Variants in SYNPO2 observed in about 807,000 individuals in gnomAD.
The protein encoded by SYNPO2 is synaptopodin-2.
Under a neutral mutation model 85.0 loss-of-function variants are expected in SYNPO2, and 56 were observed. That is an observed-to-expected ratio of 0.66 (90% CI 0.53 to 0.82). The LOEUF is 0.82. SYNPO2 is among the 40% of genes least tolerant of loss of function. SYNPO2 has a pLI of 0.00. For missense variants in SYNPO2, 1,575 were observed against 1,534.2 expected, an observed-to-expected ratio of 1.03 and a Z score of -0.44; for synonymous variants, 602 against 591.1, an observed-to-expected ratio of 1.02 and a Z score of -0.27.
At chr4:118,996,094 T>C (rs1736584200) in intron 1 of SYNPO2, among the ~76,000 whole-genome samples, 1 of 152,198 alleles carries the variant, frequency 6.6e-6, no homozygotes. Flanking sequence ...TTTCATCCTC[T>C]CTCTACCTGT....
intron 1 of SYNPO2, among the ~76,000 whole-genome samples, chr4:118,915,913 G>T (rs1291556339): frequency 2.0e-5 from 3 of 151,668 alleles, no homozygotes; most frequent in African/African-American, 7.3e-5. Flanking sequence ...CCTAATTGTG[G>T]TCTTGATTTC....
Position 119,031,688 on chromosome 4 carries a change from G to T in SYNPO2, c.2913G>T (p.Gln971His), listed in dbSNP as rs763016153. 5 of 1,614,204 alleles carry T rather than the reference G, an allele frequency of 3.1e-6. No individual in the cohort carries two copies. The highest frequency in any genetic ancestry group is 4.2e-6 in the Non-Finnish European group (5 of 1,180,046). ...ATGTCATGAAGCACCAACCGTATCA[G>T]CTCAATGCATCCTTGTTTACTTTCC... ...ALDVMKHQPY[Q>H]LNASLFTFQP... is the part of the protein sequence containing the mutation. The change falls in exon 4 of 5, where the codon CAG becomes CAT. Residue 971 changes from glutamine to histidine, a missense_variant. Gln to His is a conservative substitution (Grantham distance 24, BLOSUM62 0). Around this residue, in one of 3 missense-constraint regions of SYNPO2, gnomAD observed 1,508 missense variants for 1,446.8 expected, o/e 1.04. Transcript: ENST00000307142.
rs1024013286 is a variant in SYNPO2 at position 118,945,428 on chromosome 4, C to T, written c.105+56287C>T. Among the ~76,000 whole-genome samples the T allele has an allele frequency of 2.0e-5, 3 of 152,132 alleles. No homozygotes were observed. The East Asian group carries it at 5.8e-4, about 29-fold the overall frequency. On this transcript the variant is annotated intron_variant, in intron 1 of 4. Coordinates refer to ENST00000307142, the MANE Select transcript of SYNPO2 (RefSeq NM_133477.3). ...TGAGTTAAAGAAAAAAACACACTAA[C>T]TATATCTTAGGCAGGTGACACTGAA...
At chr4:118,983,227 C>T (rs1312963046) in intron 1 of SYNPO2, among the ~76,000 whole-genome samples, 1 of 152,068 alleles carries the variant, frequency 6.6e-6, no homozygotes, top group Non-Finnish European at 1.5e-5. Flanking sequence ...TTCCATCAAA[C>T]ATCTCCCTAC....
intron 1 of SYNPO2, among the ~76,000 whole-genome samples, chr4:118,908,713 T>C (rs1346311118): frequency 1.3e-5 from 2 of 152,162 alleles, no homozygotes; most frequent in Non-Finnish European, 2.9e-5. Context: ...GTGCACATGA[T>C]AAAGCCTTAT....
At chr4:119,037,268 C>G (rs1205001294) in intron 4 of SYNPO2, 8 of 1,438,216 alleles carry the variant, frequency 5.6e-6, no homozygotes, top group East Asian at 2.6e-5. Context: ...TTCTTGGGCT[C>G]CTTAATAACT....
At chr4:118,953,585 T>C (rs1430873061) in intron 1 of SYNPO2, among the ~76,000 whole-genome samples, 2 of 145,702 alleles carry the variant, frequency 1.4e-5, no homozygotes, top group East Asian at 4.0e-4. Flanking sequence ...GACTCAATCT[T>C]CCTTGAACTG....
In SYNPO2 at chr4:119,027,199, G is replaced by C; in HGVS notation, c.830G>C (p.Gly277Ala). 6.2e-7 allele frequency: 1 copy of C among 1,614,182 alleles called. No individual in the cohort carries two copies. ...AGAGTGATCCAGGAAAGTGAAGCAGGAGATGCGGGACTGCCCCGGGTGGAA... is the reference window on the plus strand; with the variant it reads ...AGAGTGATCCAGGAAAGTGAAGCAGCAGATGCGGGACTGCCCCGGGTGGAA... ...ELRVIQESEA[G>A]DAGLPRVEVI... The change falls in exon 3 of 5, where the codon GGA becomes GCA. Residue 277 changes from glycine (G) to alanine (A), a missense_variant. Transcript: ENST00000307142.
intron 4 of SYNPO2, chr4:119,035,477 T>C: frequency 1.0e-6 from 1 of 985,418 alleles, no homozygotes; most frequent in Non-Finnish European, 1.2e-6. Flanking sequence ...GCATTGGTAG[T>C]GTAAAGCATA....
chr4:119,021,777 ATGTG>A (rs755362873), intron 1 of SYNPO2, among the ~76,000 whole-genome samples: 1 of 152,186 alleles, frequency 6.6e-6, no homozygotes, highest in Non-Finnish European at 1.5e-5. Flanking sequence ...CAAGGAGATA[ATGTG>A]TGTTGTTGGA....
At chr4:118,887,964 CTTTTTGTACA>C (rs1241988901), upstream of SYNPO2, among the ~76,000 whole-genome samples, 2 of 151,950 alleles carry the variant, frequency 1.3e-5, no homozygotes, top group Non-Finnish European at 2.9e-5. Context: ...TTAAAATGTC[CTTTTTGTACA>C]TTTTTGGCAG....
chr4:118,955,515 C>A (rs10006610), intron 1 of SYNPO2, among the ~76,000 whole-genome samples: 103,355 of 151,970 alleles, frequency 0.68, 35,276 homozygotes, highest in Admixed American at 0.73. Context: ...GGGGAAGATT[C>A]TTAGGAAGAA....
At chr4:118,875,958 A>C (rs902116559) in intron 1 of SYNPO2, among the ~76,000 whole-genome samples, 1 of 152,200 alleles carries the variant, frequency 6.6e-6, no homozygotes, top group African/African-American at 2.4e-5. Flanking sequence ...TCCTCAACTC[A>C]TCTTCCGTTT....
chr4:119,041,336 A>G (rs1002521298), intron 4 of SYNPO2, among the ~76,000 whole-genome samples: 1 of 152,230 alleles, frequency 6.6e-6, no homozygotes, highest in African/African-American at 2.4e-5. Flanking sequence ...TTTTTCACCT[A>G]GCATATCTAA....
At chr4:118,916,729 CTTTTTTT>C (rs199715189) in intron 1 of SYNPO2, among the ~76,000 whole-genome samples, 1 of 117,040 alleles carries the variant, frequency 8.5e-6, no homozygotes, top group African/African-American at 3.2e-5. Flanking sequence ...ATTTTTCTTT[CTTTTTTT>C]TTTTTTTTTT....
At chr4:118,951,060 A>G (rs1031226688) in intron 1 of SYNPO2, among the ~76,000 whole-genome samples, 2 of 152,170 alleles carry the variant, frequency 1.3e-5, no homozygotes, top group African/African-American at 4.8e-5. Context: ...TTTTATTGAC[A>G]TTGTGGTCTT....
chr4:118,860,632 T>A, intron 1 of SYNPO2, among the ~76,000 whole-genome samples: 1 of 149,644 alleles, frequency 6.7e-6, no homozygotes, highest in Non-Finnish European at 1.5e-5. Flanking sequence ...CTTGGCTCAC[T>A]GCAACCTCAG....
At chr4:119,045,944 A>G (rs1738857595) in intron 4 of SYNPO2, among the ~76,000 whole-genome samples, 1 of 152,210 alleles carries the variant, frequency 6.6e-6, no homozygotes, top group African/African-American at 2.4e-5. Flanking sequence ...TAATGCCTTA[A>G]CATACATTAT....
intron 1 of SYNPO2, among the ~76,000 whole-genome samples, chr4:118,894,673 T>C (rs1732492106): frequency 1.3e-5 from 2 of 152,112 alleles, no homozygotes; most frequent in South Asian, 4.2e-4. Flanking sequence ...TTAAAAACAA[T>C]TGCCTTTGTT....
Sources: allele counts gnomAD v4.1 joint callset (sites outside exome capture counted in the v4.1 genomes callset), GRCh38; gene constraint gnomAD v4.1.1; regional missense constraint gnomAD v4.1.1; transcripts MANE v1.5; gene names NCBI Gene and HGNC (gene_info 2026-07-23, HGNC 2026-07-21).